Variants in SEZ6L observed in about 807,000 individuals in gnomAD.
SEZ6L encodes seizure 6-like protein.
Under a neutral mutation model 106.2 loss-of-function variants are expected in SEZ6L, and 37 were observed. The ratio of observed to expected loss-of-function variants is 0.35; its 90% CI spans 0.27 to 0.46. The LOEUF is 0.46. Among genes scored for constraint, SEZ6L ranks in the 20% least tolerant of loss-of-function variants. The pLI, the probability that SEZ6L is intolerant of heterozygous loss-of-function variation, is 1.00. For synonymous variants in SEZ6L, 541 were observed against 570.4 expected (o/e 0.95, Z 0.73); for missense variants, 1,172 against 1,332.8 (o/e 0.88, Z 1.88).
chr22:26,242,382 A>AT (rs1404401337), intron 1 of SEZ6L, among the ~76,000 whole-genome samples: 1 of 152,086 alleles, frequency 6.6e-6, no homozygotes, highest in Admixed American at 6.6e-5. Context: ...TCTTGGACAA[A>AT]CCTCTCTACC....
chr22:26,323,094 T>C (rs1256420079), intron 9 of SEZ6L, among the ~76,000 whole-genome samples: 1 of 152,192 alleles, frequency 6.6e-6, no homozygotes, highest in Non-Finnish European at 1.5e-5. Flanking sequence ...GAAAGACAAC[T>C]TGCTTGTGGC....
intron 1 of SEZ6L, among the ~76,000 whole-genome samples, chr22:26,232,231 C>T (rs938436928): frequency 2.0e-5 from 3 of 152,000 alleles, no homozygotes; most frequent in African/African-American, 7.2e-5. Context: ...CAGGAAAAGT[C>T]CTTACCCGAA....
intron 1 of SEZ6L, among the ~76,000 whole-genome samples, chr22:26,244,847 G>A (rs2079275499): frequency 6.6e-6 from 1 of 152,206 alleles, no homozygotes; most frequent in Non-Finnish European, 1.5e-5. Flanking sequence ...ACCACAGACT[G>A]ATGGGATTTC....
At chr22:26,261,084 G>GT (rs59476162) in intron 1 of SEZ6L, among the ~76,000 whole-genome samples, 31,981 of 151,888 alleles carry the variant, frequency 0.21, 3,599 homozygotes, top group African/African-American at 0.26. Context: ...GGGATTATTT[G>GT]TTTTTTTCTT....
At chr22:26,346,174 C>T (rs547879781) in intron 10 of SEZ6L, among the ~76,000 whole-genome samples, 4 of 152,060 alleles carry the variant, frequency 2.6e-5, no homozygotes, top group South Asian at 2.1e-4. Flanking sequence ...ACTACAAACA[C>T]GTGCCATCAT....
chr22:26,220,490 G>T (rs1230616914), intron 1 of SEZ6L, among the ~76,000 whole-genome samples: 2 of 152,294 alleles, frequency 1.3e-5, no homozygotes, highest in African/African-American at 4.8e-5. Context: ...GCATTGGGTT[G>T]CAGGGCTCCT....
At chr22:26,210,990 C>T (rs992234582) in intron 1 of SEZ6L, among the ~76,000 whole-genome samples, 19 of 152,170 alleles carry the variant, frequency 1.2e-4, no homozygotes, top group African/African-American at 2.4e-4. Flanking sequence ...TGGCCTGCCA[C>T]GTTCTCTTAT....
intron 9 of SEZ6L, among the ~76,000 whole-genome samples, chr22:26,334,277 G>T (rs78855921): frequency 7.2e-5 from 11 of 151,882 alleles, no homozygotes; most frequent in East Asian, 5.8e-4. Context: ...CAATTGTTCC[G>T]CATTCTTCTC....
intron 13 of SEZ6L, among the ~76,000 whole-genome samples, chr22:26,369,440 C>G (rs948829029): frequency 6.7e-6 from 1 of 148,892 alleles, no homozygotes. Flanking sequence ...CCCGCATTCA[C>G]GCCATTTCTC....
At chr22:26,364,556 C>T (rs2083743671) in intron 12 of SEZ6L, among the ~76,000 whole-genome samples, 1 of 152,156 alleles carries the variant, frequency 6.6e-6, no homozygotes, top group Non-Finnish European at 1.5e-5. Flanking sequence ...TGCACCACTG[C>T]ACTCCAGCCT....
At chr22:26,350,289 G>A (rs1569474550) in intron 11 of SEZ6L, among the ~76,000 whole-genome samples, 1 of 151,402 alleles carries the variant, frequency 6.6e-6, no homozygotes, top group Non-Finnish European at 1.5e-5. Context: ...GTGCAGTGGT[G>A]CCATAATGGC....
chr22:26,306,289 G>A, intron 6 of SEZ6L, 145 bp downstream of exon 6: 1 of 882,406 alleles, frequency 1.1e-6, no homozygotes, highest in Non-Finnish European at 1.7e-6. Context: ...AAAGATCTTA[G>A]ACACCATCAG....
chr22:26,201,723 A>T lies in SEZ6L; in HGVS notation c.94+31960A>T, dbSNP rs144886179. Among the ~76,000 whole-genome samples, 498 of 152,292 alleles carry T rather than the reference A, an allele frequency of 3.3e-3. 12 individuals carry two copies. The South Asian group carries it at 0.064, about 20-fold the overall frequency. On this transcript the variant is annotated intron_variant, in intron 1 of 16. Transcript: ENST00000248933. Reference sequence around the variant, plus strand: ...AATTTCTCTGAGCCTTGGTTTTCTTATCTTTAAAATGAGAAAAGTAATATC... The same window carrying T: ...AATTTCTCTGAGCCTTGGTTTTCTTTTCTTTAAAATGAGAAAAGTAATATC...
At chr22:26,322,928 A>G (rs628319) in intron 9 of SEZ6L, among the ~76,000 whole-genome samples, 59,099 of 152,018 alleles carry the variant, frequency 0.39, 11,575 homozygotes, top group African/African-American at 0.42. Context: ...TCTCTCATTC[A>G]TTCTCTCTCC....
chr22:26,304,541 C>G (rs1028005366), intron 5 of SEZ6L, among the ~76,000 whole-genome samples: 2 of 152,108 alleles, frequency 1.3e-5, no homozygotes, highest in South Asian at 2.1e-4. Flanking sequence ...AATACCTTCT[C>G]GCTTGAGAAC....
At chr22:26,221,249 G>T (rs1190134593) in intron 1 of SEZ6L, among the ~76,000 whole-genome samples, 1 of 152,024 alleles carries the variant, frequency 6.6e-6, no homozygotes, top group Non-Finnish European at 1.5e-5. Flanking sequence ...GTCTGTTCCA[G>T]CCCACAGAGA....
At chr22:26,329,105 A>C (rs1176493644) in intron 9 of SEZ6L, among the ~76,000 whole-genome samples, 1 of 152,114 alleles carries the variant, frequency 6.6e-6, no homozygotes, top group Non-Finnish European at 1.5e-5. Context: ...GTTTTGGTGA[A>C]TATTTTTGGA....
chr22:26,203,297 C>T (rs905920368), intron 1 of SEZ6L, among the ~76,000 whole-genome samples: 4 of 152,202 alleles, frequency 2.6e-5, no homozygotes, highest in Non-Finnish European at 5.9e-5. Context: ...CTCTGGACCC[C>T]TCCAGATTGA....
chr22:26,265,669 T>C (rs1053134499), intron 1 of SEZ6L, among the ~76,000 whole-genome samples: 5 of 152,108 alleles, frequency 3.3e-5, no homozygotes, highest in Non-Finnish European at 5.9e-5. Context: ...CTTTAAGAAA[T>C]AAAAATGGAG....
Sources: gnomAD v4.1 joint callset for allele counts (sites outside exome capture counted in the v4.1 genomes callset) on GRCh38, gnomAD v4.1.1 for gene constraint, MANE v1.5 for transcripts, NCBI Gene and HGNC (gene_info 2026-07-23, HGNC 2026-07-21) for gene names.